SCN9A: variants seen among roughly 807,000 people sequenced by gnomAD.
SCN9A encodes sodium channel protein type 9 subunit alpha.
SCN9A carries 131 observed loss-of-function variants against 187.0 expected under a neutral mutation model. The ratio of observed to expected loss-of-function variants is 0.70; its 90% CI spans 0.61 to 0.81. SCN9A has a LOEUF of 0.81. Among genes scored for constraint, SCN9A ranks in the 30% least tolerant of loss-of-function variants. SCN9A has a pLI of 0.00. For synonymous variants in SCN9A, 809 were observed against 808.6 expected, an observed-to-expected ratio of 1.00 and a Z score of -0.01; for missense variants, 2,252 against 2,396.6, an observed-to-expected ratio of 0.94 and a Z score of 1.26.
In SCN9A at chr2:166,231,548, C is replaced by CTTTTTT. The variant is rs57067738; in HGVS notation, c.3924+1786_3924+1791dup. ...GTCTGGGGTGAGATCCAAGAATTTG[C>CTTTTTT]TTTTTTTTTTTTTTTTTTTTTGATA... On this transcript the variant is annotated intron_variant, in intron 21 of 26. Coordinates refer to ENST00000642356, the MANE Select transcript of SCN9A (RefSeq NM_001365536.1). 5.0e-3 allele frequency among the ~76,000 whole-genome samples: 491 copies of CTTTTTT among 99,044 alleles called. 26 individuals carry two copies. Among genetic ancestry groups the CTTTTTT allele is most frequent in the African/African-American group, 0.019 (457 of 24,578 alleles). The allele number at this position is 99,044 out of a possible 152,430, so 65.0% of individuals were successfully genotyped here. A position where few individuals can be genotyped will look rare whatever the true frequency, so the allele number is the denominator to read the frequency against.
intron 1 of SCN9A, among the ~76,000 whole-genome samples, chr2:166,354,280 C>A (rs1364013857): frequency 6.6e-6 from 1 of 152,112 alleles, no homozygotes; most frequent in African/African-American, 2.4e-5. Context: ...CTATTACAAC[C>A]TGTTTCCCCA....
At chr2:166,238,960 A>G (rs1224047209) in intron 19 of SCN9A, among the ~76,000 whole-genome samples, 1 of 152,220 alleles carries the variant, frequency 6.6e-6, no homozygotes, top group Non-Finnish European at 1.5e-5. Flanking sequence ...ATGTGACAAC[A>G]TTAGGTGAGC....
At chr2:166,248,307 T>A (rs1159037466) in intron 18 of SCN9A, 1 of 152,178 alleles carries the variant, frequency 6.6e-6, no homozygotes, top group Non-Finnish European at 1.5e-5. Flanking sequence ...TTCTTCATTC[T>A]GACAAGCCCA....
intron 1 of SCN9A, among the ~76,000 whole-genome samples, chr2:166,322,474 T>G (rs1699268747): frequency 6.6e-6 from 1 of 152,140 alleles, no homozygotes; most frequent in Non-Finnish European, 1.5e-5. Flanking sequence ...ATTCCTAGTT[T>G]GAAAAATTGA....
chr2:166,372,132 G>A (rs1700580400), intron 1 of SCN9A, among the ~76,000 whole-genome samples: 1 of 152,084 alleles, frequency 6.6e-6, no homozygotes, highest in African/African-American at 2.4e-5. Context: ...TAAAATTCTA[G>A]TATGAAAATG....
intron 1 of SCN9A, among the ~76,000 whole-genome samples, chr2:166,358,330 A>G (rs988805982): frequency 4.6e-5 from 7 of 151,976 alleles, no homozygotes; most frequent in African/African-American, 1.2e-4. Flanking sequence ...TCAGCTTCCC[A>G]AAGTGCTGGG....
intron 1 of SCN9A, among the ~76,000 whole-genome samples, chr2:166,347,165 T>C (rs906377469): frequency 1.3e-5 from 2 of 152,194 alleles, no homozygotes; most frequent in Non-Finnish European, 2.9e-5. Context: ...CTGTCTAAAA[T>C]CTTTAGGCAC....
chr2:166,264,743 G>C (rs1015803988), intron 17 of SCN9A, among the ~76,000 whole-genome samples: 1 of 151,888 alleles, frequency 6.6e-6, no homozygotes, highest in South Asian at 2.1e-4. Flanking sequence ...ATAAAAGAGA[G>C]GGTTTTTGGG....
chr2:166,223,416 G>T (rs113638854), intron 24 of SCN9A, among the ~76,000 whole-genome samples: 2 of 152,168 alleles, frequency 1.3e-5, no homozygotes, highest in African/African-American at 4.8e-5. Context: ...TATAAAGAAG[G>T]AAATCCTGCC....
At chr2:166,232,074 G>C (rs762822732) in intron 21 of SCN9A, among the ~76,000 whole-genome samples, 45 of 152,156 alleles carry the variant, frequency 3.0e-4, no homozygotes, top group Non-Finnish European at 5.6e-4. Context: ...AAACGGGTTA[G>C]GGTCGGGACA....
chr2:166,297,923 G>T (rs1698387927), intron 7 of SCN9A, among the ~76,000 whole-genome samples: 1 of 152,014 alleles, frequency 6.6e-6, no homozygotes, highest in Admixed American at 6.5e-5. Context: ...ATCTAATGAA[G>T]ATTCTGGGTG....
intron 7 of SCN9A, among the ~76,000 whole-genome samples, chr2:166,300,315 A>C (rs1482590844): frequency 2.0e-5 from 3 of 150,528 alleles, no homozygotes. Flanking sequence ...TTTATTCAGG[A>C]CCTTTGCCCA....
At chr2:166,230,590 G>A (rs1695040107) in intron 21 of SCN9A, among the ~76,000 whole-genome samples, 1 of 151,858 alleles carries the variant, frequency 6.6e-6, no homozygotes, top group African/African-American at 2.4e-5. Context: ...TATGATTTGG[G>A]GCTTACTCTT....
chr2:166,362,662 T>C (rs1227239656), intron 1 of SCN9A, among the ~76,000 whole-genome samples: 2 of 151,920 alleles, frequency 1.3e-5, no homozygotes, highest in African/African-American at 4.8e-5. Context: ...GCCTAAACAT[T>C]TGCTTTATCT....
At chr2:166,337,640 A>G (rs1283926560) in intron 1 of SCN9A, among the ~76,000 whole-genome samples, 1 of 152,072 alleles carries the variant, frequency 6.6e-6, no homozygotes, top group Non-Finnish European at 1.5e-5. Flanking sequence ...TGGTATAGGA[A>G]AGAAGGAAAG....
At chr2:166,300,885 C>T (rs1348181737) in intron 7 of SCN9A, 1 of 150,192 alleles carries the variant, frequency 6.7e-6, no homozygotes, top group Non-Finnish European at 1.5e-5. Context: ...AACTCAAGGG[C>T]TCTATTATTA....
chr2:166,289,039 C>A (rs1308455902), intron 9 of SCN9A, among the ~76,000 whole-genome samples: 1 of 151,980 alleles, frequency 6.6e-6, no homozygotes, highest in South Asian at 2.1e-4. Context: ...TTAATAATAT[C>A]ATTGAATGTT....
At chr2:166,238,804 G>T (rs939617573) in intron 19 of SCN9A, among the ~76,000 whole-genome samples, 4 of 151,126 alleles carry the variant, frequency 2.6e-5, no homozygotes, top group African/African-American at 9.7e-5. Context: ...TAGGCCTATA[G>T]AACACAGAGG....
intron 16 of SCN9A, 35 bp from the exon 17 acceptor site, chr2:166,272,910 G>A: frequency 1.1e-6 from 1 of 921,006 alleles, no homozygotes; most frequent in South Asian, 3.0e-5. Context: ...TAGAGAAATA[G>A]GGAGACAGGA....
Sources: gnomAD v4.1 joint callset for allele counts (sites outside exome capture counted in the v4.1 genomes callset) on GRCh38, gnomAD v4.1.1 for gene constraint, MANE v1.5 for transcripts, NCBI Gene and HGNC (gene_info 2026-07-23, HGNC 2026-07-21) for gene names.